The following NTRK3 variants were observed in gnomAD, a reference collection of about 807,000 sequenced individuals.
The protein encoded by NTRK3 is NT-3 growth factor receptor.
Under a neutral mutation model 91.7 loss-of-function variants are expected in NTRK3, and 24 were observed. The observed-to-expected ratio is 0.26, with a 90% CI of 0.19 to 0.37. The LOEUF (loss-of-function observed/expected upper bound fraction) is 0.37, where lower values mean the gene tolerates loss of function less well. Ranked by LOEUF, NTRK3 falls within the 10% of genes least tolerant of loss-of-function variation. The pLI is 1.00. For synonymous variants in NTRK3, 483 were observed against 404.0 expected, an observed-to-expected ratio of 1.20 and a Z score of -2.34; for missense variants, 880 against 1,068.9, an observed-to-expected ratio of 0.82 and a Z score of 2.46.
In NTRK3 at chr15:88,182,223, A is replaced by G. The variant is rs554967124; in HGVS notation, c.395+1195T>C. On this transcript the variant is annotated intron_variant, in intron 5 of 18. Transcript: ENST00000394480. ...CTCCGCAGAAAGCAGAGGTGGCCAT[A>G]CTGATAAACAAATATTTATCAAGCA... 3.3e-5 allele frequency among the ~76,000 whole-genome samples: 5 copies of G among 152,298 alleles called. No homozygotes were observed. The South Asian group carries it at 1.0e-3, about 32-fold the overall frequency.
intron 13 of NTRK3, among the ~76,000 whole-genome samples, chr15:88,103,055 T>C (rs1461060411): frequency 2.6e-5 from 4 of 152,220 alleles, no homozygotes; most frequent in Non-Finnish European, 5.9e-5. Context: ...TTACAGATAT[T>C]ATAACTCCAT....
In NTRK3 at chr15:87,926,146, A is replaced by G. The variant is rs2068288965; in HGVS notation, c.2133+3045T>C. Reference sequence around the variant, plus strand: ...TGAACACAGGTAAGATTAGGCCTAAATCCAAGAATTCCATTGTCATTCCAA... The same window carrying G: ...TGAACACAGGTAAGATTAGGCCTAAGTCCAAGAATTCCATTGTCATTCCAA... On this transcript the variant is annotated intron_variant, in intron 17 of 18. Coordinates refer to ENST00000394480, the Ensembl canonical transcript of NTRK3. Among the ~76,000 whole-genome samples the G allele has an allele frequency of 1.3e-5, 2 of 152,228 alleles. 1 individual carries two copies. The highest frequency in any genetic ancestry group is 4.1e-4 in the South Asian group (2 of 4,830).
intron 13 of NTRK3, among the ~76,000 whole-genome samples, chr15:88,033,838 C>G (rs534768299): frequency 3.9e-5 from 6 of 152,244 alleles, no homozygotes; most frequent in African/African-American, 1.4e-4. Context: ...CGTTTATTTT[C>G]TTATGTAGCA....
At chr15:88,119,226 A>T (rs1166847348) in intron 13 of NTRK3, among the ~76,000 whole-genome samples, 3 of 152,180 alleles carry the variant, frequency 2.0e-5, no homozygotes. Flanking sequence ...AAAAACACAC[A>T]TGGCTTTACA....
chr15:88,122,139 T>G (rs890053486), intron 13 of NTRK3, among the ~76,000 whole-genome samples: 11 of 152,204 alleles, frequency 7.2e-5, no homozygotes, highest in Admixed American at 3.3e-4. Flanking sequence ...GAATATAAAT[T>G]AAAACACTCA....
chr15:88,181,039 G>A (rs2151589959), intron 5 of NTRK3, among the ~76,000 whole-genome samples: 1 of 152,280 alleles, frequency 6.6e-6, no homozygotes, highest in South Asian at 2.1e-4. Context: ...CCACTTGACT[G>A]GGTGCTGACT....
At chr15:87,977,350 G>A (rs976511790) in intron 14 of NTRK3, 2 of 186,880 alleles carry the variant, frequency 1.1e-5, no homozygotes, top group South Asian at 3.9e-4. Flanking sequence ...CAAATAAGAG[G>A]TCTGATTCAG....
chr15:87,915,968 G>A (rs1418367173), intron 17 of NTRK3, among the ~76,000 whole-genome samples: 1 of 152,082 alleles, frequency 6.6e-6, no homozygotes, highest in Non-Finnish European at 1.5e-5. Flanking sequence ...CTGCTCTTGG[G>A]CTATCAACTT....
chr15:88,145,506 C>A (rs2042807984), intron 6 of NTRK3, among the ~76,000 whole-genome samples: 1 of 152,154 alleles, frequency 6.6e-6, no homozygotes, highest in Admixed American at 6.5e-5. Context: ...TGATCCCAGG[C>A]AAAGATGAAT....
chr15:88,181,219 G>T (rs149381733), intron 5 of NTRK3, among the ~76,000 whole-genome samples: 55 of 152,282 alleles, frequency 3.6e-4, no homozygotes, highest in African/African-American at 1.3e-3. Context: ...CCAAAGTCAT[G>T]GGCAGGTTCA....
intron 14 of NTRK3, among the ~76,000 whole-genome samples, chr15:87,948,457 G>T (rs1487419517): frequency 6.6e-6 from 1 of 152,366 alleles, no homozygotes; most frequent in East Asian, 1.9e-4. Context: ...GGAGGCCGAG[G>T]TGGGTGGATC....
At chr15:88,076,727 G>C (rs2047578395) in intron 13 of NTRK3, among the ~76,000 whole-genome samples, 1 of 147,368 alleles carries the variant, frequency 6.8e-6, no homozygotes, top group Non-Finnish European at 1.5e-5. Context: ...TGAAGGAAAA[G>C]TACAGTGTAC....
At chr15:88,239,870 G>A (rs2052156965) in intron 3 of NTRK3, among the ~76,000 whole-genome samples, 1 of 152,170 alleles carries the variant, frequency 6.6e-6, no homozygotes, top group Admixed American at 6.5e-5. Flanking sequence ...CTCTCAAAGT[G>A]TGGTCCTGGA....
At chr15:87,947,581 C>T (rs1314826889) in intron 14 of NTRK3, among the ~76,000 whole-genome samples, 1 of 152,070 alleles carries the variant, frequency 6.6e-6, no homozygotes, top group Non-Finnish European at 1.5e-5. Context: ...GACCTTGCTG[C>T]CCCACCCAGA....
rs149860421 is a variant in NTRK3, at chr15:87,888,884, A to G, written c.2134-8456T>C. 6.1e-3 allele frequency among the ~76,000 whole-genome samples: 931 copies of G among 152,282 alleles called. 4 individuals are homozygous for G. The highest frequency in any genetic ancestry group is 0.014 in the Middle Eastern group (4 of 292). On this transcript the variant is annotated intron_variant, in intron 17 of 18. Coordinates refer to ENST00000394480, the Ensembl canonical transcript of NTRK3. ...GAGGAAGTTGACATTATGCTCCAGA[A>G]CATCCTCCTTTTATCCGCTGGGCTT...
intron 14 of NTRK3, among the ~76,000 whole-genome samples, chr15:87,964,548 C>G (rs1567160436): frequency 6.6e-6 from 1 of 151,990 alleles, no homozygotes; most frequent in Non-Finnish European, 1.5e-5. Context: ...AATTCAACAA[C>G]TTTTAGTAAA....
intron 13 of NTRK3, among the ~76,000 whole-genome samples, chr15:88,063,691 A>G (rs1263843686): frequency 6.6e-6 from 1 of 152,132 alleles, no homozygotes; most frequent in South Asian, 2.1e-4. Context: ...TATCTATTTT[A>G]TCTTATGGCT....
chr15:88,098,237 T>C (rs907260733), intron 13 of NTRK3, among the ~76,000 whole-genome samples: 1 of 152,158 alleles, frequency 6.6e-6, no homozygotes, highest in African/African-American at 2.4e-5. Flanking sequence ...AGTGATATCT[T>C]TTCTTAATTG....
At chr15:88,036,614 C>T (rs868719178) in intron 13 of NTRK3, among the ~76,000 whole-genome samples, 6 of 152,092 alleles carry the variant, frequency 3.9e-5, no homozygotes, top group Non-Finnish European at 7.4e-5. Flanking sequence ...CGCAGGGCTG[C>T]GGGAAGGAGG....
Sources: gnomAD v4.1 joint callset for allele counts (sites outside exome capture counted in the v4.1 genomes callset) on GRCh38, gnomAD v4.1.1 for gene constraint, MANE v1.5 for transcripts, NCBI Gene and HGNC (gene_info 2026-07-23, HGNC 2026-07-21) for gene names.